Variants in MBNL2 observed in about 807,000 individuals in gnomAD.
MBNL2 encodes muscleblind-like protein 2.
Under a neutral mutation model 41.9 loss-of-function variants are expected in MBNL2, and 17 were observed. The observed-to-expected ratio is 0.41, with a 90% confidence interval of 0.28 to 0.61. The LOEUF (loss-of-function observed/expected upper bound fraction) is 0.61. MBNL2 is among the 20% of genes least tolerant of loss of function. The pLI is 0.35. For synonymous variants in MBNL2, 195 were observed against 182.9 expected, an observed-to-expected ratio of 1.07 and a Z score of -0.53; for missense variants, 336 against 505.6, an observed-to-expected ratio of 0.66 and a Z score of 3.22.
intron 3 of MBNL2, among the ~76,000 whole-genome samples, chr13:97,341,382 G>A (rs774371803): frequency 7.9e-5 from 12 of 152,090 alleles, no homozygotes; most frequent in South Asian, 2.1e-4. Context: ...TACATAGTCC[G>A]TAAACCATTT....
the MBNL2 span, among the ~76,000 whole-genome samples, chr13:97,173,983 A>G: frequency 6.6e-6 from 1 of 152,214 alleles, no homozygotes; most frequent in Non-Finnish European, 1.5e-5. Flanking sequence ...GTCATTTTAT[A>G]TCATCTGTCT....
chr13:97,233,126 CATATATATATATATATATATATATAT>C (rs376967986), intron 1 of MBNL2, among the ~76,000 whole-genome samples: 1,004 of 39,800 alleles, frequency 0.025, 47 homozygotes, highest in Admixed American at 0.058. Flanking sequence ...GGCTCTTTTT[CATATATATATATATATATATATATAT>C]ATATATATAT....
At chr13:97,166,841 AAGAT>A in the MBNL2 span, among the ~76,000 whole-genome samples, 2 of 114,260 alleles carry the variant, frequency 1.8e-5, no homozygotes, top group South Asian at 6.2e-4. Flanking sequence ...GATAGATAGA[AAGAT>A]AGATAGAGAT....
At chr13:97,192,927 G>A in the MBNL2 span, among the ~76,000 whole-genome samples, 1 of 152,234 alleles carries the variant, frequency 6.6e-6, no homozygotes, top group African/African-American at 2.4e-5. Context: ...ATAGACGTTA[G>A]TTTACAATTC....
intron 2 of MBNL2, among the ~76,000 whole-genome samples, chr13:97,316,169 G>C (rs1011840862): frequency 1.2e-4 from 19 of 152,158 alleles, no homozygotes; most frequent in African/African-American, 4.3e-4. Flanking sequence ...TCCCCTTCCA[G>C]GGGCTCAGGC....
At chr13:97,380,505 CA>C in intron 8 of MBNL2, among the ~76,000 whole-genome samples, 1 of 150,756 alleles carries the variant, frequency 6.6e-6, no homozygotes, top group East Asian at 2.0e-4. Context: ...ACCAAACAAA[CA>C]AACAAAAAAA....
intron 2 of MBNL2, among the ~76,000 whole-genome samples, chr13:97,296,935 G>A (rs147179707): frequency 6.6e-6 from 1 of 152,136 alleles, no homozygotes; most frequent in East Asian, 1.9e-4. Flanking sequence ...GTGGATTTTA[G>A]AGGACAAAAG....
the MBNL2 span, among the ~76,000 whole-genome samples, chr13:97,193,075 A>G: frequency 6.6e-6 from 1 of 152,212 alleles, no homozygotes; most frequent in East Asian, 1.9e-4. Flanking sequence ...GGTTACATGG[A>G]GGACAAGAGC....
the MBNL2 span, among the ~76,000 whole-genome samples, chr13:97,161,414 G>A: frequency 3.3e-5 from 5 of 152,106 alleles, no homozygotes; most frequent in South Asian, 6.2e-4. Flanking sequence ...TGCCAGGGTT[G>A]GACTTCAAGT....
chr13:97,337,741 G>T (rs1470442010), intron 3 of MBNL2, among the ~76,000 whole-genome samples: 2 of 152,144 alleles, frequency 1.3e-5, no homozygotes, highest in Non-Finnish European at 2.9e-5. Flanking sequence ...AAACCTAGCA[G>T]ACTCTTTCCT....
At chr13:97,373,624 ATT>A (rs2064628259) in intron 8 of MBNL2, among the ~76,000 whole-genome samples, 1 of 150,330 alleles carries the variant, frequency 6.7e-6, no homozygotes, top group African/African-American at 2.4e-5. Context: ...ATATATATAT[ATT>A]AAGGGTAGGA....
chr13:97,358,425 G>A (rs1392572055), intron 7 of MBNL2, among the ~76,000 whole-genome samples: 1 of 151,188 alleles, frequency 6.6e-6, no homozygotes, highest in Admixed American at 6.6e-5. Flanking sequence ...ACCTGGGCCC[G>A]CCTATATATA....
chr13:97,386,575 C>G (rs577680981), intron 8 of MBNL2, among the ~76,000 whole-genome samples: 5 of 152,274 alleles, frequency 3.3e-5, no homozygotes, highest in Non-Finnish European at 7.3e-5. Context: ...GTAAGGTTGG[C>G]TACCACTGCA....
At chr13:97,234,312 A>G (rs930115817) in intron 1 of MBNL2, among the ~76,000 whole-genome samples, 1 of 152,230 alleles carries the variant, frequency 6.6e-6, no homozygotes, top group Non-Finnish European at 1.5e-5. Context: ...TTCCTCTGAC[A>G]GGACCAGTAT....
chr13:97,179,825 G>A, the MBNL2 span, among the ~76,000 whole-genome samples: 2 of 152,146 alleles, frequency 1.3e-5, no homozygotes, highest in African/African-American at 4.8e-5. Flanking sequence ...AGAAGTCCAG[G>A]GTGGCCACAG....
At chr13:97,293,870 G>T (rs932902745) in intron 2 of MBNL2, among the ~76,000 whole-genome samples, 11 of 151,948 alleles carry the variant, frequency 7.2e-5, no homozygotes, top group Admixed American at 4.6e-4. Flanking sequence ...GTTCTTTACT[G>T]GTGATTTGTG....
the MBNL2 span, among the ~76,000 whole-genome samples, chr13:97,169,951 A>C: frequency 1.3e-5 from 2 of 152,216 alleles, no homozygotes; most frequent in Non-Finnish European, 2.9e-5. Context: ...CATTTTGGGA[A>C]AAAGATCCAG....
At chr13:97,178,330 G>A in the MBNL2 span, among the ~76,000 whole-genome samples, 1 of 152,268 alleles carries the variant, frequency 6.6e-6, no homozygotes, top group Non-Finnish European at 1.5e-5. Context: ...ACAGTATGTG[G>A]AATAATTAAT....
intron 3 of MBNL2, among the ~76,000 whole-genome samples, chr13:97,336,486 C>T (rs2060894980): frequency 2.0e-5 from 3 of 151,986 alleles, no homozygotes; most frequent in Admixed American, 1.3e-4. Flanking sequence ...CAGTTGCAAG[C>T]GTCCTTATAA....
Sources: gnomAD v4.1 joint callset for allele counts (sites outside exome capture counted in the v4.1 genomes callset) on GRCh38, gnomAD v4.1.1 for gene constraint, MANE v1.5 for transcripts, NCBI Gene and HGNC (gene_info 2026-07-23, HGNC 2026-07-21) for gene names.